CYRIA: variants seen among roughly 807,000 people sequenced by gnomAD.
CYRIA encodes the protein CYFIP related Rac1 interactor A.
Under a neutral mutation model 43.9 loss-of-function variants are expected in CYRIA, and 15 were observed. The observed-to-expected ratio is 0.34, with a 90% CI of 0.23 to 0.53. The LOEUF (loss-of-function observed/expected upper bound fraction) is 0.53. CYRIA is among the 20% of genes least tolerant of loss of function. CYRIA has a pLI of 0.94. For synonymous variants in CYRIA, 117 were observed against 136.0 expected (o/e 0.86, Z 0.97); for missense variants, 236 against 394.2 (o/e 0.60, Z 3.40).
intron 2 of CYRIA, among the ~76,000 whole-genome samples, chr2:16,604,106 G>A (rs1360192534): frequency 3.9e-5 from 6 of 152,140 alleles, no homozygotes; most frequent in East Asian, 3.8e-4. Context: ...CTGCTACCTC[G>A]CTTTGTTTTA....
At chr2:16,572,201 G>C (rs1192945011) in intron 3 of CYRIA, among the ~76,000 whole-genome samples, 1 of 152,064 alleles carries the variant, frequency 6.6e-6, no homozygotes, top group Non-Finnish European at 1.5e-5. Flanking sequence ...AATCTCTCTG[G>C]GTCCAGATTC....
chr2:16,665,230 T>C (rs374613949), intron 1 of CYRIA, among the ~76,000 whole-genome samples: 9 of 152,204 alleles, frequency 5.9e-5, no homozygotes, highest in East Asian at 1.9e-4. Context: ...TTCTGGGTTC[T>C]GGGGGAGGAG....
At chr2:16,566,225 A>G (rs1450103448) in intron 3 of CYRIA, among the ~76,000 whole-genome samples, 1 of 152,162 alleles carries the variant, frequency 6.6e-6, no homozygotes, top group Non-Finnish European at 1.5e-5. Flanking sequence ...CTGTTCATTG[A>G]TATTAAACAC....
At chr2:16,566,851 T>C (rs1572462627) in intron 3 of CYRIA, among the ~76,000 whole-genome samples, 1 of 152,144 alleles carries the variant, frequency 6.6e-6, no homozygotes, top group African/African-American at 2.4e-5. Context: ...CCTGGCCTAG[T>C]AGGGAAGTTC....
At chr2:16,573,683 G>C (rs1185291856) in intron 3 of CYRIA, among the ~76,000 whole-genome samples, 4 of 152,152 alleles carry the variant, frequency 2.6e-5, no homozygotes, top group African/African-American at 9.7e-5. Context: ...CATGAGATCT[G>C]ATGGTTTTAT....
At chr2:16,659,396 A>G (rs1263281625) in intron 1 of CYRIA, among the ~76,000 whole-genome samples, 1 of 152,204 alleles carries the variant, frequency 6.6e-6, no homozygotes, top group Non-Finnish European at 1.5e-5. Context: ...AATGGGGATA[A>G]TATCTGTTTC....
At chr2:16,663,306 G>A (rs970222678) in intron 1 of CYRIA, among the ~76,000 whole-genome samples, 1 of 152,244 alleles carries the variant, frequency 6.6e-6, no homozygotes, top group East Asian at 1.9e-4. Flanking sequence ...GGCTATATGA[G>A]TGAACTGACT....
chr2:16,559,031 G>T (rs907590849), intron 10 of CYRIA, among the ~76,000 whole-genome samples: 3 of 152,170 alleles, frequency 2.0e-5, no homozygotes, highest in Non-Finnish European at 4.4e-5. Context: ...GACATGAGTG[G>T]AGCAACAGGT....
At chr2:16,564,197 T>G in intron 4 of CYRIA, 103 bp from the exon 5 acceptor site, 2 of 833,698 alleles carry the variant, frequency 2.4e-6, no homozygotes, top group Non-Finnish European at 3.8e-6. Context: ...TATACTTTGC[T>G]GATGTATACT....
At chr2:16,656,086 A>G (rs764491282) in intron 1 of CYRIA, among the ~76,000 whole-genome samples, 40 of 152,158 alleles carry the variant, frequency 2.6e-4, no homozygotes, top group Admixed American at 1.4e-3. Flanking sequence ...CCTTGTCCAG[A>G]GAGTGCCTGG....
chr2:16,655,437 G>A lies in CYRIA; in HGVS notation c.-167+10343C>T, dbSNP rs150394708. 1.2e-3 allele frequency among the ~76,000 whole-genome samples: 184 copies of A among 152,258 alleles called. 1 individual carries two copies. The highest frequency in any genetic ancestry group is 2.0e-3 in the Admixed American group (30 of 15,304). On this transcript the variant is annotated intron_variant, in intron 1 of 11. Coordinates refer to ENST00000381323, the MANE Select transcript of CYRIA (RefSeq NM_030797.4). ...GTGGCAGAGCTAGGCTTATACCCAG[G>A]GGACTCCTTGGACAGTGCTCACTCC...
intron 3 of CYRIA, among the ~76,000 whole-genome samples, chr2:16,574,467 A>G (rs986357518): frequency 2.6e-5 from 4 of 152,250 alleles, no homozygotes; most frequent in Admixed American, 1.3e-4. Context: ...TGCCAAGACA[A>G]CAATGGGGAA....
In CYRIA at chr2:16,561,270, A is replaced by G; in HGVS notation, c.521T>C (p.Ile174Thr). 2 of 1,607,454 alleles carry G rather than the reference A, an allele frequency of 1.2e-6. No individual in the cohort carries two copies. The highest frequency in any genetic ancestry group is 2.2e-5 in the South Asian group (2 of 90,948). ...CATCTCATTATTGACTTCATTCTCA[A>G]TGTCTAGCTGATGAAAATAAGAAGA... ...RNRINNMHLDIENEVNNEMAN... is the reference protein window; with the variant it reads ...RNRINNMHLDTENEVNNEMAN... Residue 174 changes from isoleucine (I) to threonine (T), a missense_variant, in exon 8 of 12, where the codon ATT becomes ACT. By Grantham distance (89) the Ile-to-Thr change is moderately conservative (BLOSUM62 -1). This residue lies in a region of CYRIA where 193 missense variants were observed against 303.9 expected (regional missense o/e 0.64). Transcript: ENST00000381323.
At chr2:16,632,151 T>C (rs1669345687) in intron 1 of CYRIA, among the ~76,000 whole-genome samples, 2 of 152,204 alleles carry the variant, frequency 1.3e-5, no homozygotes. Context: ...AGATCTGGGT[T>C]CCAGTTCCAC....
chr2:16,642,656 C>A (rs1669708713), intron 1 of CYRIA, among the ~76,000 whole-genome samples: 1 of 152,150 alleles, frequency 6.6e-6, no homozygotes, highest in Non-Finnish European at 1.5e-5. Context: ...AGGACCTTGC[C>A]GACCTCATCC....
chr2:16,616,811 T>G (rs980279186), intron 2 of CYRIA, among the ~76,000 whole-genome samples: 1 of 152,344 alleles, frequency 6.6e-6, no homozygotes, highest in African/African-American at 2.4e-5. Flanking sequence ...TTAACTCAGG[T>G]AGTGATCCCA....
chr2:16,605,860 T>C (rs1668379642), intron 2 of CYRIA, among the ~76,000 whole-genome samples: 1 of 152,160 alleles, frequency 6.6e-6, no homozygotes, highest in Non-Finnish European at 1.5e-5. Context: ...TGAAGGCTTG[T>C]CATGGGCACC....
chr2:16,609,083 G>T, intron 2 of CYRIA, among the ~76,000 whole-genome samples: 1 of 152,164 alleles, frequency 6.6e-6, no homozygotes, highest in Non-Finnish European at 1.5e-5. Flanking sequence ...ACATTGTAAG[G>T]CTGTTTGCAC....
intron 3 of CYRIA, among the ~76,000 whole-genome samples, chr2:16,586,861 A>C (rs1245549311): frequency 6.6e-6 from 1 of 152,132 alleles, no homozygotes; most frequent in Non-Finnish European, 1.5e-5. Flanking sequence ...GTGGGAAAAA[A>C]GACAGTTAAC....
Sources: gnomAD v4.1 joint callset for allele counts (sites outside exome capture counted in the v4.1 genomes callset) on GRCh38, gnomAD v4.1.1 for gene constraint, gnomAD v4.1.1 regional missense constraint, MANE v1.5 for transcripts, NCBI Gene and HGNC (gene_info 2026-07-23, HGNC 2026-07-21) for gene names.